Variants in FRMD4B observed in about 807,000 individuals in gnomAD.
FRMD4B encodes the protein FERM domain containing 4B.
FRMD4B carries 74 observed loss-of-function variants against 141.5 expected under a neutral mutation model. That is an observed-to-expected ratio of 0.52 (90% CI 0.43 to 0.63). FRMD4B has a LOEUF of 0.63. Ranked by LOEUF, FRMD4B falls within the 30% of genes least tolerant of loss-of-function variation. The pLI is 0.00. For synonymous variants in FRMD4B, 506 were observed against 467.9 expected, an observed-to-expected ratio of 1.08 and a Z score of -1.05; for missense variants, 1,366 against 1,253.4, an observed-to-expected ratio of 1.09 and a Z score of -1.36.
At chr3:69,185,901 G>C (rs997897599) in intron 19 of FRMD4B, among the ~76,000 whole-genome samples, 13 of 152,002 alleles carry the variant, frequency 8.6e-5, no homozygotes, top group African/African-American at 3.1e-4. Context: ...AACTTGCCGG[G>C]TGTGGTGGCG....
intron 2 of FRMD4B, among the ~76,000 whole-genome samples, chr3:69,414,642 T>A (rs747494356): frequency 6.6e-6 from 1 of 151,942 alleles, no homozygotes; most frequent in African/African-American, 2.4e-5. Flanking sequence ...TGCCATCAGG[T>A]TGACGTAAAG....
chr3:69,310,704 T>C (rs1701558336), intron 3 of FRMD4B, among the ~76,000 whole-genome samples: 1 of 151,868 alleles, frequency 6.6e-6, no homozygotes, highest in Non-Finnish European at 1.5e-5. Context: ...GGAGCATATA[T>C]ATTGTTGACA....
intron 1 of FRMD4B, among the ~76,000 whole-genome samples, chr3:69,456,371 A>G (rs1192788809): frequency 6.6e-6 from 1 of 152,222 alleles, no homozygotes; most frequent in Admixed American, 6.5e-5. Flanking sequence ...CAGCTATTCC[A>G]TTTCAAGGAA....
At chr3:69,435,217 T>G (rs951940260) in intron 1 of FRMD4B, among the ~76,000 whole-genome samples, 1 of 152,214 alleles carries the variant, frequency 6.6e-6, no homozygotes, top group African/African-American at 2.4e-5. Flanking sequence ...AGTGACTAGT[T>G]CTGGTACCGC....
chr3:69,302,961 C>T (rs1284662205), intron 3 of FRMD4B, among the ~76,000 whole-genome samples: 3 of 152,134 alleles, frequency 2.0e-5, no homozygotes, highest in African/African-American at 7.2e-5. Flanking sequence ...GTAATCCCAG[C>T]TACCTGGGAG....
At chr3:69,180,164 G>C (rs1015358772) in intron 21 of FRMD4B, among the ~76,000 whole-genome samples, 1 of 151,264 alleles carries the variant, frequency 6.6e-6, no homozygotes, top group Non-Finnish European at 1.5e-5. Context: ...GGGAGGCCAA[G>C]GCAGGAGGGT....
At chr3:69,389,077 A>C (rs1473604594), upstream of FRMD4B, among the ~76,000 whole-genome samples, 8 of 124,268 alleles carry the variant, frequency 6.4e-5, no homozygotes, top group Admixed American at 2.0e-4. Context: ...TCTGTCGCCC[A>C]GGCTGGAGTG....
chr3:69,476,016 T>C (rs1705990418), intron 1 of FRMD4B, among the ~76,000 whole-genome samples: 1 of 151,560 alleles, frequency 6.6e-6, no homozygotes. Context: ...TTTTGAGAAC[T>C]GTCTGTTCAT....
chr3:69,314,142 A>AAAAAAC lies in FRMD4B; in HGVS notation c.163-626_163-625insGTTTTT, dbSNP rs1701713480. On this transcript the variant is annotated intron_variant, in intron 1 of 22. Transcript: ENST00000398540. ...CGACAGAGCGAGACTCCGTCTCAAA[A>AAAAAAC]AAAAAAAAAAAAAAAAAAAAAAAAA... Among the ~76,000 whole-genome samples, 3 of 60,264 alleles carry AAAAAAC rather than the reference A, an allele frequency of 5.0e-5. 1 individual carries two copies. The highest frequency in any genetic ancestry group is 1.1e-4 in the Non-Finnish European group (3 of 26,214). 39.5% of individuals were successfully genotyped at this position (60,264 alleles called of 152,430 possible).
intron 2 of FRMD4B, among the ~76,000 whole-genome samples, chr3:69,422,372 G>A (rs1189222804): frequency 5.5e-5 from 8 of 146,258 alleles, no homozygotes; most frequent in Non-Finnish European, 9.0e-5. Context: ...GAGCAACAGA[G>A]CGAGACTCTG....
intron 1 of FRMD4B, among the ~76,000 whole-genome samples, chr3:69,501,987 C>A (rs1317376149): frequency 1.3e-5 from 2 of 152,038 alleles, no homozygotes; most frequent in Non-Finnish European, 2.9e-5. Flanking sequence ...ATATGAAGGA[C>A]CTCTTCAGGG....
intron 11 of FRMD4B, among the ~76,000 whole-genome samples, chr3:69,213,659 T>C (rs535022060): frequency 1.2e-5 from 1 of 81,150 alleles, no homozygotes; most frequent in East Asian, 3.4e-4. Context: ...TTGTTTTCAT[T>C]GATTTTTTTT....
chr3:69,516,905 C>T (rs906904896), intron 1 of FRMD4B, among the ~76,000 whole-genome samples: 2 of 152,190 alleles, frequency 1.3e-5, no homozygotes, highest in Admixed American at 6.5e-5. Context: ...CCCAAATTTT[C>T]GATAACCTTT....
chr3:69,495,312 C>A (rs17006018), intron 1 of FRMD4B, among the ~76,000 whole-genome samples: 6,807 of 152,284 alleles, frequency 0.045, 503 homozygotes, highest in African/African-American at 0.16. Context: ...GTGTGAGTTA[C>A]TGCTATTACT....
chr3:69,284,128 CA>C (rs1240984920), intron 5 of FRMD4B, among the ~76,000 whole-genome samples: 2 of 152,140 alleles, frequency 1.3e-5, no homozygotes, highest in African/African-American at 4.8e-5. Context: ...GGGAGAAACA[CA>C]GCAGAACACA....
At chr3:69,255,093 T>C (rs577030884) in intron 5 of FRMD4B, among the ~76,000 whole-genome samples, 2 of 152,294 alleles carry the variant, frequency 1.3e-5, no homozygotes, top group Admixed American at 1.3e-4. Context: ...CTGGACTGTA[T>C]ATTAAATAAA....
Position 69,181,535 on chromosome 3 carries a change from C to G in FRMD4B, c.2215G>C (p.Glu739Gln), listed in dbSNP as rs2092708292. 2 of 1,613,602 alleles carry G rather than the reference C, an allele frequency of 1.2e-6. No individual in the cohort carries two copies. Among genetic ancestry groups the G allele is most frequent in the South Asian group, 2.2e-5 (2 of 91,074 alleles). The change falls in exon 21 of 23, where the codon GAG becomes CAG. Residue 739 changes from glutamate to glutamine, a missense_variant. By Grantham distance (29) the Glu-to-Gln change is conservative. Transcript: ENST00000398540. ...GTAACTGGTGTCACACAGTAATACTCTGTGCTTGATTGGCTTGTATAAGAA... is the reference window on the plus strand; with the variant it reads ...GTAACTGGTGTCACACAGTAATACTGTGTGCTTGATTGGCTTGTATAAGAA... ...GSSYTSQSSTEYYCVTPVTGP... is the reference protein window; with the variant it reads ...GSSYTSQSSTQYYCVTPVTGP...
chr3:69,313,444 A>T lies in FRMD4B; in HGVS notation c.228+8T>A. On this transcript the variant is annotated splice_region_variant and intron_variant, in intron 2 of 22. Coordinates refer to ENST00000398540, the MANE Select transcript of FRMD4B (RefSeq NM_015123.3). ...TATCTGGGCAACACACATGTGGGCC[A>T]CACCTACCTGAACCAGCAGCTCCAG... 2 of 1,561,366 alleles carry T rather than the reference A, an allele frequency of 1.3e-6. No homozygotes were observed. Among genetic ancestry groups the T allele is most frequent in the Non-Finnish European group, 1.7e-6 (2 of 1,150,520 alleles).
At chr3:69,182,803 T>C in intron 19 of FRMD4B, 86 bp from the exon 20 acceptor site, 3 of 1,305,182 alleles carry the variant, frequency 2.3e-6, no homozygotes, top group Non-Finnish European at 3.2e-6. Context: ...CAAAACTTAC[T>C]AGAAGCCCAA....
Sources: gnomAD v4.1 joint callset for allele counts (sites outside exome capture counted in the v4.1 genomes callset) on GRCh38, gnomAD v4.1.1 for gene constraint, MANE v1.5 for transcripts, NCBI Gene and HGNC (gene_info 2026-07-23, HGNC 2026-07-21) for gene names.